WHRN: variants seen among roughly 807,000 people sequenced by gnomAD.
The protein encoded by WHRN is CASK-interacting protein CIP98.
WHRN carries 41 observed loss-of-function variants against 68.3 expected under a neutral mutation model. The observed-to-expected ratio is 0.60, with a 90% confidence interval of 0.47 to 0.78. The LOEUF (loss-of-function observed/expected upper bound fraction) is 0.78, where lower values mean the gene tolerates loss of function less well. Ranked by LOEUF, WHRN falls within the 30% of genes least tolerant of loss-of-function variation. WHRN has a pLI of 0.00. For missense variants in WHRN, 1,243 were observed against 1,244.7 expected (o/e 1.00, Z 0.02); for synonymous variants, 560 against 561.3 (o/e 1.00, Z 0.03).
In WHRN at chr9:114,428,642, G is replaced by A. The variant is rs1169429011; in HGVS notation, c.964-2229C>T. Among the ~76,000 whole-genome samples the A allele has an allele frequency of 5.3e-5, 8 of 152,168 alleles. No homozygotes were observed. The South Asian group carries it at 1.0e-3, about 20-fold the overall frequency. ...GCTTTCTACTGCTGGGCTGCTGCCC[G>A]GAGCGCTGTTTGGGGACCACGTGAT... On this transcript the variant is annotated intron_variant, in intron 3 of 11. Transcript: ENST00000362057.
intron 3 of WHRN, among the ~76,000 whole-genome samples, chr9:114,456,097 CAG>C (rs1443495194): frequency 6.8e-6 from 1 of 147,658 alleles, no homozygotes; most frequent in African/African-American, 2.5e-5. Context: ...CATGATAAGT[CAG>C]AGACTGTCTG....
At chr9:114,481,786 T>A (rs750245605) in intron 1 of WHRN, among the ~76,000 whole-genome samples, 16 of 152,220 alleles carry the variant, frequency 1.1e-4, no homozygotes, top group Non-Finnish European at 1.9e-4. Flanking sequence ...AGTGGGTCTA[T>A]CCTCATGACA....
chr9:114,434,571 C>T (rs1837690084), intron 3 of WHRN, among the ~76,000 whole-genome samples: 1 of 151,930 alleles, frequency 6.6e-6, no homozygotes, highest in South Asian at 2.1e-4. Context: ...TCTCATTGCT[C>T]AATCCTAAAA....
intron 2 of WHRN, among the ~76,000 whole-genome samples, chr9:114,470,096 T>C (rs1841079092): frequency 6.6e-6 from 1 of 152,182 alleles, no homozygotes; most frequent in Non-Finnish European, 1.5e-5. Flanking sequence ...ACATCCCTTT[T>C]GCTATATAAG....
intron 3 of WHRN, among the ~76,000 whole-genome samples, chr9:114,458,827 G>A (rs1359490919): frequency 6.6e-6 from 1 of 152,248 alleles, no homozygotes; most frequent in Non-Finnish European, 1.5e-5. Flanking sequence ...GTGCTGGTAA[G>A]AGAAATGGTG....
intron 7 of WHRN, among the ~76,000 whole-genome samples, chr9:114,419,615 G>T (rs1243253979): frequency 2.0e-5 from 3 of 152,246 alleles, no homozygotes; most frequent in Admixed American, 6.5e-5. Flanking sequence ...CTTGGAAGAG[G>T]CAGCTTCTGA....
At position 114,478,289 on chromosome 9, in the gene WHRN, A is replaced by G. The variant is rs1039927714; in HGVS notation, c.837+264T>C. On this transcript the variant is annotated intron_variant, in intron 2 of 11. Transcript: ENST00000362057. ...GGCGACAGAGTGAGACTCTGTCTCCAAATAGATAAATAAGCCAATCAATAA... is the reference window on the plus strand; with the variant it reads ...GGCGACAGAGTGAGACTCTGTCTCCGAATAGATAAATAAGCCAATCAATAA... The G allele has an allele frequency of 5.7e-6, 4 of 696,358 alleles. No individual in the cohort carries two copies. The Admixed American group carries it at 8.6e-5, about 15-fold the overall frequency. The allele number at this position is 696,358 out of a possible 1,614,324, so 43.1% of individuals were successfully genotyped here.
At position 114,447,690 on chromosome 9, in the gene WHRN, G is replaced by A. The variant is rs117429517; in HGVS notation, c.963+18577C>T. On this transcript the variant is annotated intron_variant, in intron 3 of 11. Transcript: ENST00000362057. ...TTAAGAGATGGGACCCTTAAAAGGT[G>A]ATTAGGCCACAAGGACTCCACCTTT... Among the ~76,000 whole-genome samples, 92 of 152,240 alleles carry A rather than the reference G, an allele frequency of 6.0e-4. 1 individual carries two copies. In the East Asian group the frequency reaches 0.017, roughly 28 times the overall value.
chr9:114,446,204 G>C (rs1383188709), intron 3 of WHRN, among the ~76,000 whole-genome samples: 1 of 152,168 alleles, frequency 6.6e-6, no homozygotes, highest in Non-Finnish European at 1.5e-5. Flanking sequence ...TTTCCTGGTA[G>C]ATGCTACAAT....
chr9:114,419,288 G>C (rs1185382535), intron 7 of WHRN, among the ~76,000 whole-genome samples: 2 of 152,308 alleles, frequency 1.3e-5, no homozygotes, highest in East Asian at 3.9e-4. Context: ...TCCTGGGATG[G>C]TCAAAGAAGA....
intron 3 of WHRN, among the ~76,000 whole-genome samples, chr9:114,434,531 C>T (rs945025105): frequency 2.5e-5 from 1 of 40,564 alleles, no homozygotes; most frequent in Non-Finnish European, 5.6e-5. Flanking sequence ...GACCTTTCCT[C>T]CAAGCCTGGT....
chr9:114,502,006 C>T (rs1843973791), intron 1 of WHRN, among the ~76,000 whole-genome samples: 2 of 152,212 alleles, frequency 1.3e-5, no homozygotes, highest in African/African-American at 4.8e-5. Context: ...ACGAGGAGTG[C>T]CATGGCCTCA....
intron 1 of WHRN, among the ~76,000 whole-genome samples, chr9:114,483,561 C>T (rs1025305502): frequency 2.0e-5 from 3 of 151,952 alleles, no homozygotes; most frequent in Non-Finnish European, 4.4e-5. Context: ...CCTGGGGGAT[C>T]GCGAGATCCT....
rs1483510329 is a variant in WHRN at position 114,403,944 on chromosome 9, G to A, written c.2370C>T (p.Ser790=). Residue 790 remains serine (S), a synonymous_variant, in exon 10 of 12, where the codon AGC becomes AGT. Transcript: ENST00000362057. ...RQSVSTKSRS[S]KELPRNERPT... ...GCCTCTCGTTCCGAGGCAGCTCCTT[G>A]CTACTCCTGCTCTTGGTGGACACCG... is the stretch of plus-strand genomic sequence containing the variant. 1 of 1,611,290 alleles carries A rather than the reference G, an allele frequency of 6.2e-7. No homozygotes were observed. The highest frequency in any genetic ancestry group is 1.1e-5 in the South Asian group (1 of 91,074).
At chr9:114,491,967 T>C (rs981785589) in intron 1 of WHRN, among the ~76,000 whole-genome samples, 1 of 151,362 alleles carries the variant, frequency 6.6e-6, no homozygotes, top group Non-Finnish European at 1.5e-5. Flanking sequence ...CAGTGTTTTT[T>C]ATTCCTGTGG....
rs367639339 is a variant in WHRN at position 114,486,927 on chromosome 9, AGT to A, written c.619-8158_619-8157del. Among the ~76,000 whole-genome samples, 69 of 114,998 alleles carry A rather than the reference AGT, an allele frequency of 6.0e-4. 5 individuals are homozygous for A. The highest frequency in any genetic ancestry group is 2.5e-3 in the African/African-American group (65 of 26,424). The allele number at this position is 114,998 out of a possible 152,430, so 75.4% of individuals were successfully genotyped here. ...GTGTAGAGTGTGTGTGTGTGTGTAGAGTGTGTGTGTGTGTTGTGTGTGTGTGT... is the reference window on the plus strand; with the variant it reads ...GTGTAGAGTGTGTGTGTGTGTGTAGAGTGTGTGTGTGTTGTGTGTGTGTGT... On this transcript the variant is annotated intron_variant, in intron 1 of 11. Coordinates refer to ENST00000362057, the MANE Select transcript of WHRN (RefSeq NM_015404.4).
intron 1 of WHRN, among the ~76,000 whole-genome samples, chr9:114,499,649 GTGAT>G (rs1333576874): frequency 1.3e-5 from 2 of 152,238 alleles, no homozygotes; most frequent in Non-Finnish European, 2.9e-5. Flanking sequence ...GACTGTACAT[GTGAT>G]TCAAGCTTGA....
rs1240596747 is a variant in WHRN at position 114,505,405 on chromosome 9, TCCGCGC to T, written c.-610_-605del. 1 of 65,272 alleles carries T rather than the reference TCCGCGC, an allele frequency of 1.5e-5. No individual in the cohort carries two copies. Among genetic ancestry groups the T allele is most frequent in the Non-Finnish European group, 4.0e-5 (1 of 25,212 alleles). 4.0% of individuals were successfully genotyped at this position (65,272 alleles called of 1,614,324 possible). On this transcript the variant is annotated 5_prime_UTR_variant, in exon 1 of 12. Coordinates refer to ENST00000362057, the MANE Select transcript of WHRN (RefSeq NM_015404.4). Reference sequence around the variant, plus strand: ...CCGGGATGCAGCCGCCCGGGGAGCCTCCGCGCCTCTGCGCCGCCCGGCCGCAAGCCC... The same window carrying T: ...CCGGGATGCAGCCGCCCGGGGAGCCTCTCTGCGCCGCCCGGCCGCAAGCCC...
At chr9:114,424,207 C>T (rs1415125405) in intron 6 of WHRN, 127 bp downstream of exon 6, 2 of 1,138,798 alleles carry the variant, frequency 1.8e-6, no homozygotes, top group East Asian at 2.4e-5. Flanking sequence ...TGCCTCAGTC[C>T]CAGGTCTCTG....
Sources: allele counts gnomAD v4.1 joint callset (sites outside exome capture counted in the v4.1 genomes callset), GRCh38; gene constraint gnomAD v4.1.1; transcripts MANE v1.5; gene names NCBI Gene and HGNC (gene_info 2026-07-23, HGNC 2026-07-21).